The following TTC28 variants were observed in gnomAD, a reference collection of about 807,000 sequenced individuals.
The protein encoded by TTC28 is tetratricopeptide repeat protein 28.
A neutral mutation model predicts 198.0 loss-of-function variants in TTC28; 61 were observed. That is an observed-to-expected ratio of 0.31 (90% CI 0.25 to 0.38). The LOEUF (loss-of-function observed/expected upper bound fraction) is 0.38. TTC28 is among the 10% of genes least tolerant of loss of function. TTC28 has a pLI of 1.00. For synonymous variants in TTC28, 1,171 were observed against 1,297.8 expected, an observed-to-expected ratio of 0.90 and a Z score of 2.10; for missense variants, 2,678 against 3,164.0, an observed-to-expected ratio of 0.85 and a Z score of 3.69.
intron 12 of TTC28, among the ~76,000 whole-genome samples, chr22:28,032,267 A>ATAGT (rs1226631612): frequency 1.5e-4 from 12 of 78,710 alleles, no homozygotes; most frequent in Admixed American, 7.3e-4. Context: ...ATATATATAT[A>ATAGT]GTGTGTGTGT....
chr22:28,645,618 C>T (rs1031363187), intron 1 of TTC28, among the ~76,000 whole-genome samples: 2 of 143,448 alleles, frequency 1.4e-5, no homozygotes, highest in Non-Finnish European at 3.0e-5. Context: ...CAGAGCGAGA[C>T]TACATCTCAA....
intron 2 of TTC28, among the ~76,000 whole-genome samples, chr22:28,330,933 G>GA (rs2045604273): frequency 6.6e-6 from 1 of 152,156 alleles, no homozygotes; most frequent in Non-Finnish European, 1.5e-5. Context: ...TTTTAGGTCA[G>GA]TTATCTGGAA....
chr22:28,193,542 A>G (rs1925081119), intron 5 of TTC28, among the ~76,000 whole-genome samples: 1 of 152,204 alleles, frequency 6.6e-6, no homozygotes, highest in Admixed American at 6.5e-5. Flanking sequence ...CAGGAGACCC[A>G]TCTCACGTGC....
rs1425935441 is a variant in TTC28 at position 27,983,531 on chromosome 22, G to A, written c.6136C>T (p.Arg2046Cys). Reference sequence around the variant, plus strand: ...TCTTCATCTTTGTTGCCTGCAGGGCGGGTCTGGGGAGGCAGCTGGCTCCTA... The same window carrying A: ...TCTTCATCTTTGTTGCCTGCAGGGCAGGTCTGGGGAGGCAGCTGGCTCCTA... The part of the protein sequence containing the change: ...LPRSQLPPQT[R>C]PAGNKDEEEY... Residue 2046 changes from arginine (R) to cysteine (C), a missense_variant, in exon 23 of 23, where the codon CGC (arginine) becomes TGC (cysteine). Transcript: ENST00000397906. The A allele has an allele frequency of 2.5e-5, 39 of 1,550,974 alleles. No individual in the cohort carries two copies. The highest frequency in any genetic ancestry group is 1.4e-4 in the Admixed American group (7 of 50,822).
At chr22:28,414,221 C>T (rs1269349210) in intron 2 of TTC28, among the ~76,000 whole-genome samples, 1 of 152,110 alleles carries the variant, frequency 6.6e-6, no homozygotes, top group Non-Finnish European at 1.5e-5. Flanking sequence ...GAATTCACAC[C>T]AGGAAATGAC....
chr22:28,087,768 G>A (rs1189719295), intron 12 of TTC28, among the ~76,000 whole-genome samples: 1 of 152,114 alleles, frequency 6.6e-6, no homozygotes, highest in African/African-American at 2.4e-5. Context: ...AAACCCCACT[G>A]TCTCAGCCCA....
rs5762533 is a variant in TTC28, at chr22:28,233,821, T to C, written c.933+62377A>G. Among the ~76,000 whole-genome samples, 434 of 152,124 alleles carry C rather than the reference T, an allele frequency of 2.9e-3. 14 individuals are homozygous for C. In the East Asian group the frequency reaches 0.049, roughly 17 times the overall value. On this transcript the variant is annotated intron_variant, in intron 5 of 22. Coordinates refer to ENST00000397906, the MANE Select transcript of TTC28 (RefSeq NM_001145418.2). ...GTGCAGTGGCGCAATCTCAGCTCAC[T>C]GCAACTTCTGCCTCCTGGGTTCAAG...
chr22:28,427,453 C>T (rs1431661725), intron 2 of TTC28, among the ~76,000 whole-genome samples: 4 of 152,110 alleles, frequency 2.6e-5, no homozygotes, highest in Admixed American at 6.5e-5. Context: ...CAGTTCGACA[C>T]CAACCTGCCT....
intron 2 of TTC28, among the ~76,000 whole-genome samples, chr22:28,579,096 C>CTA (rs1164539208): frequency 1.3e-5 from 2 of 150,618 alleles, no homozygotes; most frequent in Non-Finnish European, 1.5e-5. Context: ...ATACATATAG[C>CTA]TATATATATG....
chr22:28,136,170 G>A (rs937429457), intron 6 of TTC28, among the ~76,000 whole-genome samples: 2 of 151,892 alleles, frequency 1.3e-5, no homozygotes, highest in Non-Finnish European at 2.9e-5. Flanking sequence ...TTTGGTATGG[G>A]GTCTCCCTCT....
At chr22:28,526,079 C>T (rs1352187920) in intron 2 of TTC28, among the ~76,000 whole-genome samples, 2 of 152,124 alleles carry the variant, frequency 1.3e-5, no homozygotes, top group East Asian at 3.8e-4. Flanking sequence ...TCTGTAAGTA[C>T]GGGACGGGGC....
chr22:28,378,638 C>T (rs1054135327), intron 2 of TTC28, among the ~76,000 whole-genome samples: 1 of 151,328 alleles, frequency 6.6e-6, no homozygotes, highest in Non-Finnish European at 1.5e-5. Flanking sequence ...GAGCAAGATT[C>T]TGTGTCAAAA....
intron 2 of TTC28, among the ~76,000 whole-genome samples, chr22:28,380,969 G>A (rs2046484748): frequency 6.6e-6 from 1 of 151,990 alleles, no homozygotes; most frequent in African/African-American, 2.4e-5. Flanking sequence ...TATGCCTGCT[G>A]TTTTGCCTTA....
At chr22:28,031,331 A>C (rs1439724353) in intron 12 of TTC28, among the ~76,000 whole-genome samples, 1 of 152,132 alleles carries the variant, frequency 6.6e-6, no homozygotes, top group Non-Finnish European at 1.5e-5. Context: ...CCACATTCAG[A>C]CTTTGTGGAG....
At chr22:28,468,098 A>T (rs533633394) in intron 2 of TTC28, among the ~76,000 whole-genome samples, 96 of 152,072 alleles carry the variant, frequency 6.3e-4, no homozygotes, top group African/African-American at 2.0e-3. Flanking sequence ...TATTTCAGAG[A>T]AATAAGGTAC....
At chr22:28,359,100 G>T (rs939507750) in intron 2 of TTC28, among the ~76,000 whole-genome samples, 1 of 152,106 alleles carries the variant, frequency 6.6e-6, no homozygotes, top group Non-Finnish European at 1.5e-5. Flanking sequence ...ATTCCACTGC[G>T]CTATAAGGGT....
rs376425425 is a variant in TTC28, at chr22:28,001,397, G to A, written c.4375C>T (p.Arg1459Cys). ...RFGLLAVPSI[R>C]SLSVQSKSHL... ...ACCTTGGACTGCACGCTGAGGGAGC[G>A]GATGGAAGGGACAGCAAGGAGGCCG... The change falls in exon 15 of 23, where the codon CGC becomes TGC. Residue 1459 changes from arginine (R) to cysteine (C), a missense_variant. By Grantham distance (180) the Arg-to-Cys change is radical (BLOSUM62 -3). Around this residue, in one of 8 missense-constraint regions of TTC28, gnomAD observed 727 missense variants for 861.9 expected, o/e 0.84. Coordinates refer to ENST00000397906, the MANE Select transcript of TTC28 (RefSeq NM_001145418.2). 55 of 1,551,060 alleles carry A rather than the reference G, an allele frequency of 3.5e-5. No individual in the cohort carries two copies. The highest frequency in any genetic ancestry group is 2.7e-4 in the South Asian group (23 of 84,052).
chr22:28,435,826 A>T (rs10483150), intron 2 of TTC28, among the ~76,000 whole-genome samples: 3,021 of 152,310 alleles, frequency 0.02, 30 homozygotes, highest in Non-Finnish European at 0.027. Flanking sequence ...ATTTTACAGA[A>T]TCAAAAATAT....
intron 12 of TTC28, among the ~76,000 whole-genome samples, chr22:28,039,862 G>A (rs1398914421): frequency 1.3e-5 from 2 of 152,092 alleles, no homozygotes; most frequent in African/African-American, 4.8e-5. Context: ...GAAGAAAAGA[G>A]AGAAGAATCA....
Sources: gnomAD v4.1 joint callset for allele counts (sites outside exome capture counted in the v4.1 genomes callset) on GRCh38, gnomAD v4.1.1 for gene constraint, gnomAD v4.1.1 regional missense constraint, MANE v1.5 for transcripts, NCBI Gene and HGNC (gene_info 2026-07-23, HGNC 2026-07-21) for gene names.